The following SLC15A3 variants were observed in gnomAD, a reference collection of about 807,000 sequenced individuals.
SLC15A3 encodes osteoclast transporter.
A neutral mutation model predicts 49.2 loss-of-function variants in SLC15A3; 39 were observed. That is an observed-to-expected ratio of 0.79 (90% CI 0.61 to 1.04). SLC15A3 has a LOEUF of 1.04. Ranked by LOEUF, SLC15A3 falls within the 50% of genes least tolerant of loss-of-function variation. SLC15A3 has a pLI of 0.00. For missense variants in SLC15A3, 758 were observed against 794.8 expected (o/e 0.95, Z 0.56); for synonymous variants, 339 against 367.0 (o/e 0.92, Z 0.87).
rs1856934993 is a variant in SLC15A3 at position 60,951,846 on chromosome 11, C to T, written c.-295G>A. On this transcript the variant is annotated 5_prime_UTR_variant, in exon 1 of 8. Transcript: ENST00000227880. Reference sequence around the variant, plus strand: ...GCGCCTCTCCTGCAGCTGTTTCTCCCTAACTCTCCCCTCTCCTCCCTCCAC... The same window carrying T: ...GCGCCTCTCCTGCAGCTGTTTCTCCTTAACTCTCCCCTCTCCTCCCTCCAC... The T allele has an allele frequency of 6.0e-6, 1 of 165,798 alleles. No homozygotes were observed. Among genetic ancestry groups the T allele is most frequent in the South Asian group, 2.0e-4 (1 of 4,924 alleles). The allele number at this position is 165,798 out of a possible 1,614,324, so 10.3% of individuals were successfully genotyped here. A position where few individuals can be genotyped will look rare whatever the true frequency, so the allele number is the denominator to read the frequency against.
intron 1 of SLC15A3, among the ~76,000 whole-genome samples, chr11:60,948,411 G>A (rs1465386818): frequency 1.3e-5 from 2 of 152,210 alleles, no homozygotes; most frequent in Non-Finnish European, 1.5e-5. Flanking sequence ...TTTAGAATGA[G>A]CAGATGCTTT....
rs141822911 is a variant in SLC15A3, at chr11:60,947,583, G to A, written c.559-762C>T. 4.4e-3 allele frequency among the ~76,000 whole-genome samples: 676 copies of A among 152,278 alleles called. 2 individuals are homozygous for A. Among genetic ancestry groups the A allele is most frequent in the African/African-American group, 0.016 (644 of 41,540 alleles). On this transcript the variant is annotated intron_variant, in intron 1 of 7. Coordinates refer to ENST00000227880, the MANE Select transcript of SLC15A3 (RefSeq NM_016582.3). ...TTACCGAAAGAACAGAAGTCTGAGCGAGAATTTCCTCTGCAGTTCGGAGAG... is the reference window on the plus strand; with the variant it reads ...TTACCGAAAGAACAGAAGTCTGAGCAAGAATTTCCTCTGCAGTTCGGAGAG...
chr11:60,951,335 T>G lies in SLC15A3; in HGVS notation c.217A>C (p.Thr73Pro), dbSNP rs568354419. ...CCCAGGAATACCAGCGCGGCGCGCG[T>G]CGCCTGCTCGCCGGTCCAGTTGAAG... The part of the protein sequence containing the change: ...TNFNWTGEQA[T>P]RAALVFLGAS... Residue 73 changes from threonine to proline, a missense_variant, in exon 1 of 8, where the codon ACG becomes CCG. Thr to Pro is a conservative substitution (Grantham distance 38). Transcript: ENST00000227880. 473 of 1,539,064 alleles carry G rather than the reference T, an allele frequency of 3.1e-4. 2 individuals are homozygous for G. Among genetic ancestry groups the G allele is most frequent in the South Asian group, 6.5e-4 (54 of 82,694 alleles).
At chr11:60,940,992 G>T in intron 5 of SLC15A3, 130 bp downstream of exon 5, 1 of 1,001,032 alleles carries the variant, frequency 1.0e-6, no homozygotes, top group Non-Finnish European at 1.4e-6. Flanking sequence ...GCACCTCTGG[G>T]AAGCCAACAC....
At position 60,939,606 on chromosome 11, in the gene SLC15A3, G is replaced by A; in HGVS notation, c.1309C>T (p.His437Tyr). ...VLEMERLHYI[H>Y]HNETVSQQIG... ...TGCTGGGACACGGTCTCGTTGTGGT[G>A]GATGTAGTGTAAGCGCTCCATCTCC... Residue 437 changes from histidine to tyrosine, a missense_variant, in exon 6 of 8, where the codon CAC (histidine) becomes TAC (tyrosine). By Grantham distance (83) the His-to-Tyr change is moderately conservative. Around this residue, in one of 3 missense-constraint regions of SLC15A3, gnomAD observed 699 missense variants for 706.7 expected, o/e 0.99. Coordinates refer to ENST00000227880, the MANE Select transcript of SLC15A3 (RefSeq NM_016582.3). 6.2e-7 allele frequency: 1 copy of A among 1,614,190 alleles called. No homozygotes were observed. The highest frequency in any genetic ancestry group is 2.2e-5 in the East Asian group (1 of 44,886).
chr11:60,937,384 G>A lies in SLC15A3; in HGVS notation c.1592-11C>T, dbSNP rs576295220. 5.1e-5 allele frequency: 82 copies of A among 1,614,016 alleles called. No individual in the cohort carries two copies. In the Middle Eastern group the frequency reaches 6.6e-4, roughly 13 times the overall value. On this transcript the variant is annotated splice_polypyrimidine_tract_variant and intron_variant, in intron 7 of 7. Coordinates refer to ENST00000227880, the MANE Select transcript of SLC15A3 (RefSeq NM_016582.3). ...AATTGTTGATGTTCCCTGGGGAAAG[G>A]AGGGGTTAGATTTGGGTCAGGACAG... is the stretch of plus-strand genomic sequence containing the variant.
intron 2 of SLC15A3, among the ~76,000 whole-genome samples, chr11:60,945,279 T>C (rs1228305748): frequency 6.6e-6 from 1 of 152,174 alleles, no homozygotes; most frequent in Non-Finnish European, 1.5e-5. Context: ...CACAGTCCCA[T>C]CTGAGCTCAC....
intron 1 of SLC15A3, among the ~76,000 whole-genome samples, chr11:60,949,415 A>AGAAAGAAAGG (rs1856855930): frequency 2.2e-5 from 2 of 89,862 alleles, no homozygotes; most frequent in African/African-American, 5.6e-5. Context: ...AGGAAGAAAG[A>AGAAAGAAAGG]AAGAAAGAAG....
At chr11:60,946,876 GTACCCATA>G in intron 1 of SLC15A3, 55 bp from the exon 2 acceptor site, 1 of 1,544,474 alleles carries the variant, frequency 6.5e-7, no homozygotes, top group East Asian at 2.3e-5. Flanking sequence ...GGCACTCTCT[GTACCCATA>G]CCCCTCCCTC....
intron 6 of SLC15A3, 129 bp downstream of exon 6, chr11:60,939,350 TG>T: frequency 8.9e-7 from 1 of 1,123,426 alleles, no homozygotes; most frequent in Non-Finnish European, 1.3e-6. Context: ...GAATGAGCCC[TG>T]GTCAGAAAAC....
chr11:60,950,130 A>G (rs1318629179), intron 1 of SLC15A3, among the ~76,000 whole-genome samples: 2 of 152,208 alleles, frequency 1.3e-5, no homozygotes, highest in Non-Finnish European at 2.9e-5. Context: ...CAGGCAGCCC[A>G]TTCAGGATAT....
chr11:60,949,532 G>GAAAGAA (rs1554986457), intron 1 of SLC15A3, among the ~76,000 whole-genome samples: 7 of 77,158 alleles, frequency 9.1e-5, no homozygotes, highest in Non-Finnish European at 2.1e-4. Context: ...AAGAAAGAAA[G>GAAAGAA]AAAGAAAGAA....
In SLC15A3 at chr11:60,937,090, G is replaced by A. The variant is rs1398706610; in HGVS notation, c.*129C>T. On this transcript the variant is annotated 3_prime_UTR_variant, in exon 8 of 8. Coordinates refer to ENST00000227880, the MANE Select transcript of SLC15A3 (RefSeq NM_016582.3). ...CCCTTGTCATGGACCATGGTCGTGA[G>A]GAAGGGCTCATGCCCCTTATTTATG... The A allele has an allele frequency of 7.1e-6, 10 of 1,402,128 alleles. No homozygotes were observed. The highest frequency in any genetic ancestry group is 9.5e-6 in the Non-Finnish European group (10 of 1,050,294). 86.9% of individuals were successfully genotyped at this position (1,402,128 alleles called of 1,614,324 possible). A position where few individuals can be genotyped will look rare whatever the true frequency, so the allele number is the denominator to read the frequency against.
At chr11:60,949,515 A>AGAAG in intron 1 of SLC15A3, among the ~76,000 whole-genome samples, 1 of 69,786 alleles carries the variant, frequency 1.4e-5, no homozygotes, top group Admixed American at 1.9e-4. Context: ...AAAGAAAGAA[A>AGAAG]GAAAGAAAGA....
intron 1 of SLC15A3, 57 bp downstream of exon 1, chr11:60,950,937 G>T: frequency 7.2e-7 from 1 of 1,380,572 alleles, no homozygotes. Context: ...CTGGGGGCCA[G>T]CCCTCCTTCC....
In SLC15A3 at chr11:60,951,451, G is replaced by C. The variant is rs1235419852; in HGVS notation, c.101C>G (p.Ala34Gly). 1 of 1,429,744 alleles carries C rather than the reference G, an allele frequency of 7.0e-7. No homozygotes were observed. The highest frequency in any genetic ancestry group is 1.5e-5 in the African/African-American group (1 of 66,820). The allele number at this position is 1,429,744 out of a possible 1,614,324, so 88.6% of individuals were successfully genotyped here. A position where few individuals can be genotyped will look rare whatever the true frequency, so the allele number is the denominator to read the frequency against. ...ARGPRRWRRA[A>G]GAAVLLVEML... ...CTCCACCAGCAGCACGGCCGCGCCC[G>C]CCGCCCGCCGCCACCGTCGAGGGCC... The change falls in exon 1 of 8, where the codon GCG becomes GGG. Residue 34 changes from alanine (A) to glycine (G), a missense_variant. Ala to Gly is a moderately conservative substitution (Grantham distance 60, BLOSUM62 0). This residue lies in a region of SLC15A3 where 31 missense variants were observed against 58.4 expected (regional missense o/e 0.53). Coordinates refer to ENST00000227880, the MANE Select transcript of SLC15A3 (RefSeq NM_016582.3).
chr11:60,951,477 C>A lies in SLC15A3; in HGVS notation c.75G>T (p.Arg25=). ...ERQPLLPRGA[R]GPRRWRRAAG... is the part of the protein sequence containing the mutation. ...CCGCCCGCCGCCACCGTCGAGGGCC[C>A]CGCGCACCGCGAGGCAGCAGCGGCT... The change falls in exon 1 of 8, where the codon CGG becomes CGT. Residue 25 remains arginine (R), a synonymous_variant. Coordinates refer to ENST00000227880, the MANE Select transcript of SLC15A3 (RefSeq NM_016582.3). 7.5e-7 allele frequency: 1 copy of A among 1,325,452 alleles called. No individual in the cohort carries two copies. The highest frequency in any genetic ancestry group is 9.7e-7 in the Non-Finnish European group (1 of 1,034,594). The allele number at this position is 1,325,452 out of a possible 1,614,324, so 82.1% of individuals were successfully genotyped here.
At chr11:60,943,132 T>C (rs1316774828) in intron 3 of SLC15A3, 1 of 152,234 alleles carries the variant, frequency 6.6e-6, no homozygotes, top group Non-Finnish European at 1.5e-5. Flanking sequence ...GTGGTTGGAC[T>C]TGGAATCTGT....
intron 1 of SLC15A3, among the ~76,000 whole-genome samples, chr11:60,947,073 A>T (rs1024179404): frequency 6.6e-6 from 1 of 152,176 alleles, no homozygotes; most frequent in African/African-American, 2.4e-5. Context: ...CATGACACAC[A>T]CTGCTTTTTT....
Sources: gnomAD v4.1 joint callset for allele counts (sites outside exome capture counted in the v4.1 genomes callset) on GRCh38, gnomAD v4.1.1 for gene constraint, gnomAD v4.1.1 regional missense constraint, MANE v1.5 for transcripts, NCBI Gene and HGNC (gene_info 2026-07-23, HGNC 2026-07-21) for gene names.